Variants in PCSK5 observed in about 807,000 individuals in gnomAD.
PCSK5 encodes proprotein convertase subtilisin/kexin type 5.
Under a neutral mutation model 233.2 loss-of-function variants are expected in PCSK5, and 129 were observed. That is an observed-to-expected ratio of 0.55 (90% CI 0.48 to 0.64). PCSK5 has a LOEUF of 0.64. PCSK5 is among the 30% of genes least tolerant of loss of function. The pLI, the probability that PCSK5 is intolerant of heterozygous loss-of-function variation, is 0.00. For missense variants in PCSK5, 2,076 were observed against 2,430.1 expected, an observed-to-expected ratio of 0.85 and a Z score of 3.06; for synonymous variants, 825 against 879.2, an observed-to-expected ratio of 0.94 and a Z score of 1.09.
At chr9:76,090,181 T>C (rs1831228042) in intron 7 of PCSK5, among the ~76,000 whole-genome samples, 1 of 152,188 alleles carries the variant, frequency 6.6e-6, no homozygotes, top group African/African-American at 2.4e-5. Flanking sequence ...TAGGAAAATA[T>C]ATGCCTCAAG....
chr9:76,229,160 G>C (rs1478896591), intron 21 of PCSK5, among the ~76,000 whole-genome samples: 1 of 152,204 alleles, frequency 6.6e-6, no homozygotes, highest in Non-Finnish European at 1.5e-5. Context: ...TCTAAATATT[G>C]AATTTGCTTT....
chr9:75,932,445 AG>A lies in PCSK5; in HGVS notation c.260del (p.Ser87ThrfsTer22), dbSNP rs1464061083. ...SRTIKRSVIS[S>X]RGTHSFISME... is the part of the protein sequence containing the mutation. Reference sequence around the variant, plus strand: ...GACGATTAAAAGGTCAGTTATCTCGAGCAGAGGGACCCACAGTTTCATTTCA... The same window carrying A: ...GACGATTAAAAGGTCAGTTATCTCGACAGAGGGACCCACAGTTTCATTTCA... On this transcript the variant is annotated frameshift_variant, in exon 2 of 38. Coordinates refer to ENST00000674117, the MANE Select transcript of PCSK5 (RefSeq NM_001372043.1). LOFTEE classifies it high-confidence loss of function. 1 of 1,613,118 alleles carries A rather than the reference AG, an allele frequency of 6.2e-7. No individual in the cohort carries two copies. Among genetic ancestry groups the A allele is most frequent in the Admixed American group, 1.7e-5 (1 of 59,996 alleles).
chr9:76,169,216 A>G (rs1338850119), intron 12 of PCSK5, among the ~76,000 whole-genome samples: 1 of 152,192 alleles, frequency 6.6e-6, no homozygotes, highest in Non-Finnish European at 1.5e-5. Context: ...GAACATTCAT[A>G]TGAAGTTTTT....
intron 1 of PCSK5, among the ~76,000 whole-genome samples, chr9:75,893,605 T>C (rs1315862225): frequency 2.0e-5 from 3 of 152,196 alleles, no homozygotes; most frequent in Non-Finnish European, 4.4e-5. Context: ...GGAGAAATTG[T>C]CACCAAATCC....
At position 76,207,743 on chromosome 9, in the gene PCSK5, A is replaced by G. The variant is rs117783763; in HGVS notation, c.2626+17997A>G. Among the ~76,000 whole-genome samples, 28 of 152,250 alleles carry G rather than the reference A, an allele frequency of 1.8e-4. No individual in the cohort carries two copies. The East Asian group carries it at 5.4e-3, about 29-fold the overall frequency. Reference sequence around the variant, plus strand: ...CTGGGCAGGAGGTAGGAGTGGAAGGATAGAGCTGGAGATAGGAGGCTGGAA... The same window carrying G: ...CTGGGCAGGAGGTAGGAGTGGAAGGGTAGAGCTGGAGATAGGAGGCTGGAA... On this transcript the variant is annotated intron_variant, in intron 20 of 37. Transcript: ENST00000674117.
At chr9:76,015,695 G>A (rs939499999) in intron 3 of PCSK5, among the ~76,000 whole-genome samples, 1 of 152,182 alleles carries the variant, frequency 6.6e-6, no homozygotes, top group African/African-American at 2.4e-5. Flanking sequence ...AACTTTAGGT[G>A]TTCTTATTGC....
intron 20 of PCSK5, among the ~76,000 whole-genome samples, chr9:76,209,812 TATTAA>T (rs1243753795): frequency 6.6e-6 from 1 of 151,000 alleles, no homozygotes; most frequent in Non-Finnish European, 1.5e-5. Context: ...TTTAAATATA[TATTAA>T]ATTATAAATT....
At chr9:76,181,876 G>A (rs1411325667) in intron 16 of PCSK5, among the ~76,000 whole-genome samples, 1 of 152,110 alleles carries the variant, frequency 6.6e-6, no homozygotes, top group African/African-American at 2.4e-5. Flanking sequence ...AGATATTACA[G>A]CAACAAATCA....
chr9:76,355,238 C>A (rs537930634), intron 37 of PCSK5, among the ~76,000 whole-genome samples: 5 of 152,224 alleles, frequency 3.3e-5, no homozygotes, highest in African/African-American at 1.2e-4. Flanking sequence ...TTTGCGGAGC[C>A]AAGGAGGGCG....
intron 1 of PCSK5, among the ~76,000 whole-genome samples, chr9:75,931,803 T>A (rs1470059151): frequency 2.0e-5 from 3 of 152,224 alleles, no homozygotes; most frequent in African/African-American, 7.2e-5. Context: ...GTTTTTGTCT[T>A]GTTTTAGATA....
intron 2 of PCSK5, among the ~76,000 whole-genome samples, chr9:75,946,684 G>A (rs1319960011): frequency 6.6e-6 from 1 of 152,106 alleles, no homozygotes; most frequent in Non-Finnish European, 1.5e-5. Flanking sequence ...TGCCTCTCGG[G>A]TTCAAGTGAT....
chr9:75,988,901 C>T (rs866400908), intron 3 of PCSK5, among the ~76,000 whole-genome samples: 12 of 152,188 alleles, frequency 7.9e-5, no homozygotes, highest in Admixed American at 2.0e-4. Context: ...AACATCCTGT[C>T]TCCACCCTTC....
intron 20 of PCSK5, among the ~76,000 whole-genome samples, chr9:76,201,639 T>C (rs2131270649): frequency 6.6e-6 from 1 of 152,338 alleles, no homozygotes; most frequent in East Asian, 1.9e-4. Context: ...GAGTACACAC[T>C]GTGGCTACAT....
intron 24 of PCSK5, among the ~76,000 whole-genome samples, chr9:76,246,466 T>C (rs992602348): frequency 2.0e-5 from 3 of 152,038 alleles, no homozygotes; most frequent in Non-Finnish European, 4.4e-5. Flanking sequence ...ACCACTGTTA[T>C]TGCTTCCTGG....
At chr9:75,903,602 AT>A (rs1826144873) in intron 1 of PCSK5, among the ~76,000 whole-genome samples, 3 of 143,072 alleles carry the variant, frequency 2.1e-5, no homozygotes, top group Non-Finnish European at 4.6e-5. Flanking sequence ...TATATATTAT[AT>A]ATATATATTA....
At chr9:75,891,952 C>G (rs568118039) in intron 1 of PCSK5, among the ~76,000 whole-genome samples, 1 of 152,116 alleles carries the variant, frequency 6.6e-6, no homozygotes, top group African/African-American at 2.4e-5. Flanking sequence ...AAGAGGGGGC[C>G]GGCCCCGGTG....
Position 76,302,132 on chromosome 9 carries a change from AAAAG to A in PCSK5, c.3524-2_3525del, listed in dbSNP as rs752072534. On this transcript the variant is annotated splice_acceptor_variant and splice_polypyrimidine_tract_variant and intron_variant, in intron 27 of 37. Transcript: ENST00000674117. LOFTEE classifies it high-confidence loss of function. ...AACTAAACACTTTTTTTTTTAATAA[AAAAG>A]AAGCTGTGTCCACTGCAAACCTATC... The A allele has an allele frequency of 3.8e-6, 5 of 1,300,570 alleles. No individual in the cohort carries two copies. The Admixed American group carries it at 1.0e-4, about 27-fold the overall frequency. 80.6% of individuals were successfully genotyped at this position (1,300,570 alleles called of 1,614,324 possible).
At chr9:76,221,094 G>A (rs936443253) in intron 20 of PCSK5, among the ~76,000 whole-genome samples, 3 of 152,128 alleles carry the variant, frequency 2.0e-5, no homozygotes, top group South Asian at 2.1e-4. Flanking sequence ...ACAGCCTAAC[G>A]GGCAAAACAA....
chr9:76,043,192 A>G, intron 5 of PCSK5, among the ~76,000 whole-genome samples: 1 of 151,978 alleles, frequency 6.6e-6, no homozygotes, highest in South Asian at 2.1e-4. Flanking sequence ...TAAAAATACA[A>G]AAAATTACCG....
Sources: gnomAD v4.1 joint callset for allele counts (sites outside exome capture counted in the v4.1 genomes callset) on GRCh38, gnomAD v4.1.1 for gene constraint, MANE v1.5 for transcripts, NCBI Gene and HGNC (gene_info 2026-07-23, HGNC 2026-07-21) for gene names.